ARHGAP35: variants seen among roughly 807,000 people sequenced by gnomAD.
ARHGAP35 encodes rho GTPase-activating protein 35.
In ARHGAP35, 15 loss-of-function variants were observed where a neutral mutation model predicts 111.1. That is an observed-to-expected ratio of 0.13 (90% CI 0.09 to 0.21). ARHGAP35 has a LOEUF of 0.21. Among genes scored for constraint, ARHGAP35 ranks in the 10% least tolerant of loss-of-function variants. The pLI is 1.00. For missense variants in ARHGAP35, 1,262 were observed against 1,873.0 expected (o/e 0.67, Z 6.02); for synonymous variants, 643 against 710.3 (o/e 0.91, Z 1.51).
In ARHGAP35 at chr19:46,999,701, G is replaced by A. The variant is rs2056735414; in HGVS notation, c.4142+292G>A. ...CCAGCGGGCATGGGGCCTCTTGTAG[G>A]CCTGTGTCCCAAAGCTGGCAGAGAG... On this transcript the variant is annotated intron_variant, in intron 6 of 6. Coordinates refer to ENST00000672722, the MANE Select transcript of ARHGAP35 (RefSeq NM_004491.5). This position sits in a 1 kb window ranked among gnomAD's most constrained non-coding sequence, Gnocchi z 5.4. 2.4e-6 allele frequency: 1 copy of A among 409,306 alleles called. No individual in the cohort carries two copies. The highest frequency in any genetic ancestry group is 4.9e-5 in the South Asian group (1 of 20,386). The allele number at this position is 409,306 out of a possible 1,614,324, so 25.4% of individuals were successfully genotyped here. A position where few individuals can be genotyped will look rare whatever the true frequency, so the allele number is the denominator to read the frequency against.
Position 46,988,169 on chromosome 19 carries a change from C to T in ARHGAP35, c.3904+103C>T, listed in dbSNP as rs556758589. The T allele has an allele frequency of 8.7e-7, 1 of 1,148,890 alleles. No individual in the cohort carries two copies. Among genetic ancestry groups the T allele is most frequent in the East Asian group, 2.6e-5 (1 of 39,172 alleles). 71.2% of individuals were successfully genotyped at this position (1,148,890 alleles called of 1,614,324 possible). ...GGGCTTCGGAGCACTCCTGCCAGCA[C>T]AGACCCAAAGCCACGAGGTGCTGAG... On this transcript the variant is annotated intron_variant, in intron 4 of 6. Transcript: ENST00000672722. This position sits in a 1 kb window ranked among gnomAD's most constrained non-coding sequence, Gnocchi z 5.4.
At position 46,921,992 on chromosome 19, in the gene ARHGAP35, C is replaced by T. The variant is rs1475854691; in HGVS notation, c.3317C>T (p.Ser1106Phe). 6.2e-7 allele frequency: 1 copy of T among 1,613,864 alleles called. No individual in the cohort carries two copies. Among genetic ancestry groups the T allele is most frequent in the African/African-American group, 1.3e-5 (1 of 74,922 alleles). The stretch of plus-strand genomic sequence containing the variant: ...AGGAATGAAGAAGAAAACATATACT[C>T]CGTGCCCCATGACAGCACCCAAGGC... ...KPRNEEENIY[S>F]VPHDSTQGKI... is the part of the protein sequence containing the mutation. The change falls in exon 2 of 7, where the codon TCC becomes TTC. Residue 1106 changes from serine to phenylalanine, a missense_variant. Physicochemically the swap from Ser to Phe is radical, Grantham distance 155 (BLOSUM62 -2). Around this residue, in one of 8 missense-constraint regions of ARHGAP35, gnomAD observed 579 missense variants for 716.9 expected, o/e 0.81. Coordinates refer to ENST00000672722, the MANE Select transcript of ARHGAP35 (RefSeq NM_004491.5). This position sits in a 1 kb window ranked among gnomAD's most constrained non-coding sequence, Gnocchi z 4.3.
intron 1 of ARHGAP35, among the ~76,000 whole-genome samples, chr19:46,899,171 G>T (rs896958788): frequency 6.6e-6 from 1 of 152,164 alleles, no homozygotes; most frequent in East Asian, 1.9e-4. Flanking sequence ...GATGGGCAGA[G>T]AAGGCATTAT....
rs2056738762 is a variant in ARHGAP35, at chr19:47,000,248, G to A, written c.4143-83G>A. ...ACCTGAGGGAAGAAAGGTGGGCTCA[G>A]CCTGGGTGCTGAAGACCATGAGCGC... On this transcript the variant is annotated intron_variant, in intron 6 of 6. Transcript: ENST00000672722. This position sits in a 1 kb window ranked among gnomAD's most constrained non-coding sequence, Gnocchi z 6.9. 2 of 1,420,514 alleles carry A rather than the reference G, an allele frequency of 1.4e-6. No individual in the cohort carries two copies. Among genetic ancestry groups the A allele is most frequent in the Middle Eastern group, 2.0e-4 (1 of 4,954 alleles). The allele number at this position is 1,420,514 out of a possible 1,614,324, so 88.0% of individuals were successfully genotyped here. A position where few individuals can be genotyped will look rare whatever the true frequency, so the allele number is the denominator to read the frequency against.
intron 1 of ARHGAP35, among the ~76,000 whole-genome samples, chr19:46,867,654 C>T (rs1171624306): frequency 2.6e-5 from 4 of 152,258 alleles, no homozygotes; most frequent in East Asian, 1.9e-4. Context: ...TGAGGAGCCT[C>T]TTATATTATC....
rs1244722848 is a variant in ARHGAP35 at position 47,004,476 on chromosome 19, T to C, written c.*3788T>C. ...GTTATTGTTTGCATAAAAAGAATCA[T>C]GTTCCCTGTGTACATTTAAGAAAAA... On this transcript the variant is annotated 3_prime_UTR_variant, in exon 7 of 7. Transcript: ENST00000672722. 6.6e-6 allele frequency: 1 copy of C among 152,644 alleles called. No homozygotes were observed. Among genetic ancestry groups the C allele is most frequent in the Non-Finnish European group, 1.5e-5 (1 of 68,044 alleles). 9.5% of individuals were successfully genotyped at this position (152,644 alleles called of 1,614,324 possible). A position where few individuals can be genotyped will look rare whatever the true frequency, so the allele number is the denominator to read the frequency against.
At chr19:46,985,526 C>G (rs1314092228) in intron 3 of ARHGAP35, among the ~76,000 whole-genome samples, 1 of 152,226 alleles carries the variant, frequency 6.6e-6, no homozygotes, top group Non-Finnish European at 1.5e-5. Context: ...AAGGACTTCA[C>G]CTTTCTGAAT....
chr19:46,966,848 C>T (rs904544473), intron 3 of ARHGAP35, among the ~76,000 whole-genome samples: 3 of 152,178 alleles, frequency 2.0e-5, no homozygotes, highest in Admixed American at 2.0e-4. Flanking sequence ...TCTCCACAGT[C>T]AGTTTGCCCA....
intron 3 of ARHGAP35, among the ~76,000 whole-genome samples, chr19:46,973,180 T>C (rs1293612720): frequency 6.6e-6 from 1 of 151,234 alleles, no homozygotes; most frequent in African/African-American, 2.4e-5. Context: ...CTGGCCAACA[T>C]GGTGAAACTC....
At chr19:46,957,237 A>G (rs1410904293) in intron 3 of ARHGAP35, among the ~76,000 whole-genome samples, 1 of 152,146 alleles carries the variant, frequency 6.6e-6, no homozygotes, top group Non-Finnish European at 1.5e-5. Flanking sequence ...CTGGGATTAC[A>G]GGCGTGAGCC....
intron 1 of ARHGAP35, among the ~76,000 whole-genome samples, chr19:46,891,534 C>T (rs1167371381): frequency 6.6e-6 from 1 of 151,452 alleles, no homozygotes; most frequent in Non-Finnish European, 1.5e-5. Flanking sequence ...TCAAGCGATT[C>T]TCCTTCCTCA....
At chr19:46,861,399 G>T (rs2055826125) in intron 1 of ARHGAP35, among the ~76,000 whole-genome samples, 190 bp downstream of exon 1, 1 of 148,522 alleles carries the variant, frequency 6.7e-6, no homozygotes, top group South Asian at 2.1e-4. Context: ...CGTCGGCCCG[G>T]CCCGTGGGGC....
intron 1 of ARHGAP35, among the ~76,000 whole-genome samples, chr19:46,867,608 A>ATC (rs2055865318): frequency 1.3e-5 from 2 of 152,124 alleles, no homozygotes; most frequent in South Asian, 4.1e-4. Context: ...CTTGATTGTC[A>ATC]TCTCTCTCTC....
chr19:46,873,950 G>A (rs1476516984), intron 1 of ARHGAP35, among the ~76,000 whole-genome samples: 42 of 151,784 alleles, frequency 2.8e-4, no homozygotes, highest in African/African-American at 1.0e-3. Context: ...GTTTCCCCAT[G>A]TTAGTGAGGC....
intron 2 of ARHGAP35, among the ~76,000 whole-genome samples, chr19:46,934,660 C>A (rs2122221374): frequency 6.6e-6 from 1 of 152,040 alleles, no homozygotes; most frequent in East Asian, 1.9e-4. Flanking sequence ...AGCCACCATA[C>A]CCGGCCAGCC....
intron 3 of ARHGAP35, among the ~76,000 whole-genome samples, chr19:46,958,251 G>T (rs1044427257): frequency 2.6e-5 from 4 of 152,070 alleles, no homozygotes; most frequent in African/African-American, 9.7e-5. Flanking sequence ...GGGCATGGTG[G>T]CGGGCGCCTG....
At chr19:46,983,338 G>A (rs1477360434) in intron 3 of ARHGAP35, among the ~76,000 whole-genome samples, 1 of 152,156 alleles carries the variant, frequency 6.6e-6, no homozygotes, top group South Asian at 2.1e-4. Context: ...CACCAGTCTG[G>A]AGGGGTTATT....
At chr19:46,909,365 C>T (rs17289513) in intron 1 of ARHGAP35, among the ~76,000 whole-genome samples, 10,318 of 152,226 alleles carry the variant, frequency 0.068, 514 homozygotes, top group Non-Finnish European at 0.1. Flanking sequence ...GAGTTACTAG[C>T]CCTTGAAAGT....
intron 1 of ARHGAP35, among the ~76,000 whole-genome samples, chr19:46,869,372 A>G (rs935136002): frequency 4.6e-5 from 7 of 152,060 alleles, no homozygotes; most frequent in African/African-American, 1.7e-4. Flanking sequence ...TGGGCAGATC[A>G]CCTAAACGCC....
Sources: allele counts gnomAD v4.1 joint callset (sites outside exome capture counted in the v4.1 genomes callset), GRCh38; gene constraint gnomAD v4.1.1; regional missense constraint gnomAD v4.1.1; non-coding constraint Gnocchi (gnomAD v3.1); transcripts MANE v1.5; gene names NCBI Gene and HGNC (gene_info 2026-07-23, HGNC 2026-07-21).